Variants in ZNF365 observed in about 807,000 individuals in gnomAD.
ZNF365 encodes zinc finger protein 365.
ZNF365 carries 22 observed loss-of-function variants against 35.0 expected under a neutral mutation model. The observed-to-expected ratio is 0.63, with a 90% confidence interval of 0.45 to 0.90. The LOEUF is 0.90. Among genes scored for constraint, ZNF365 ranks in the 40% least tolerant of loss-of-function variants. The probability of loss-of-function intolerance (pLI) is 0.00; values close to 1 mark genes in which losing one functional copy is unlikely to be tolerated. For missense variants in ZNF365, 448 were observed against 500.3 expected (o/e 0.90, Z 1.00); for synonymous variants, 188 against 196.2 (o/e 0.96, Z 0.35).
At chr10:62,421,852 C>T (rs1163405104) in intron 3 of ZNF365, among the ~76,000 whole-genome samples, 1 of 152,202 alleles carries the variant, frequency 6.6e-6, no homozygotes, top group African/African-American at 2.4e-5. Flanking sequence ...CAGATTATTA[C>T]AACTATAGTT....
intron 3 of ZNF365, among the ~76,000 whole-genome samples, chr10:62,419,723 C>T (rs1054229627): frequency 6.6e-6 from 1 of 152,030 alleles, no homozygotes; most frequent in Admixed American, 6.6e-5. Context: ...TAGGGTTTTT[C>T]TTGTGTTATT....
At position 62,399,737 on chromosome 10, in the gene ZNF365, T is replaced by A. The variant is rs900470575; in HGVS notation, c.1172T>A (p.Ile391Asn). ...ELLGFGRKGNIRPKMAKKKPT... is the reference protein window; with the variant it reads ...ELLGFGRKGNNRPKMAKKKPT... The stretch of plus-strand genomic sequence containing the variant: ...CTGGGGTTTGGCCGCAAAGGCAACA[T>A]CAGGCCCAAAATGGCTAAAAAAAAG... Residue 391 changes from isoleucine (I) to asparagine (N), a missense_variant, in exon 5 of 5, where the codon ATC becomes AAC. By Grantham distance (149) the Ile-to-Asn change is moderately radical. This residue lies in a region of ZNF365 where 362 missense variants were observed against 375.7 expected (regional missense o/e 0.96). Coordinates refer to ENST00000395254, the MANE Select transcript of ZNF365 (RefSeq NM_014951.3). The A allele has an allele frequency of 6.2e-7, 1 of 1,613,964 alleles. No homozygotes were observed. Among genetic ancestry groups the A allele is most frequent in the Non-Finnish European group, 8.5e-7 (1 of 1,180,004 alleles).
In ZNF365 at chr10:62,376,284, T is replaced by G; in HGVS notation, c.91T>G (p.Cys31Gly). 2 of 1,614,062 alleles carry G rather than the reference T, an allele frequency of 1.2e-6. No homozygotes were observed. Among genetic ancestry groups the G allele is most frequent in the Non-Finnish European group, 1.7e-6 (2 of 1,180,004 alleles). The change falls in exon 2 of 5, where the codon TGT (cysteine) becomes GGT (glycine). Residue 31 changes from cysteine to glycine, a missense_variant. Cys to Gly is a radical substitution (Grantham distance 159). Transcript: ENST00000395254. ...GTGCCTGCCATTACGCTGCCCGAGG[T>G]GTGGAGACCATACCAGATTTAGAAG... ...AVCLPLRCPR[C>G]GDHTRFRSLS...
At chr10:62,408,216 T>C (rs1839933084) in intron 3 of ZNF365, among the ~76,000 whole-genome samples, 1 of 152,102 alleles carries the variant, frequency 6.6e-6, no homozygotes, top group Non-Finnish European at 1.5e-5. Flanking sequence ...CCATGAAGTC[T>C]TCTCTCTCCC....
intron 3 of ZNF365, among the ~76,000 whole-genome samples, chr10:62,427,739 AG>A (rs1381784422): frequency 6.6e-6 from 1 of 152,140 alleles, no homozygotes; most frequent in East Asian, 1.9e-4. Flanking sequence ...TAATGTCTTG[AG>A]TCTATGAAAT....
At chr10:62,387,976 G>A (rs1405730524) in intron 2 of ZNF365, among the ~76,000 whole-genome samples, 1 of 152,148 alleles carries the variant, frequency 6.6e-6, no homozygotes, top group Non-Finnish European at 1.5e-5. Context: ...CCCCCTTGCT[G>A]TACCTCAGAC....
chr10:62,471,925 G>A (rs2132491132), intron 4 of ZNF365, among the ~76,000 whole-genome samples: 1 of 152,278 alleles, frequency 6.6e-6, no homozygotes, highest in African/African-American at 2.4e-5. Context: ...CAGCCATCAG[G>A]GACTCCTTAT....
chr10:62,472,757 A>AT (rs1237665546), intron 4 of ZNF365, among the ~76,000 whole-genome samples: 2 of 152,180 alleles, frequency 1.3e-5, no homozygotes, highest in Non-Finnish European at 2.9e-5. Context: ...CCTATTTTAC[A>AT]TTTTTTGTAC....
chr10:62,457,271 C>G (rs916017363), intron 3 of ZNF365, among the ~76,000 whole-genome samples: 1 of 152,204 alleles, frequency 6.6e-6, no homozygotes, highest in African/African-American at 2.4e-5. Flanking sequence ...CGAATGGAGA[C>G]GTACTCTCCT....
At chr10:62,442,697 T>C (rs1840521400) in intron 3 of ZNF365, among the ~76,000 whole-genome samples, 1 of 152,222 alleles carries the variant, frequency 6.6e-6, no homozygotes, top group African/African-American at 2.4e-5. Context: ...ACATAGGCTA[T>C]GGTGGACTCA....
chr10:62,464,125 C>T (rs759174497), intron 4 of ZNF365, among the ~76,000 whole-genome samples: 10 of 152,166 alleles, frequency 6.6e-5, no homozygotes, highest in Non-Finnish European at 1.3e-4. Flanking sequence ...CATGTGTAAG[C>T]CTCACCTGTA....
exon 5 of ZNF365, chr10:62,479,917 T>G: frequency 6.2e-7 from 1 of 1,613,248 alleles, no homozygotes. Context: ...ATGATGTGAT[T>G]CTGGATGAGG....
chr10:62,465,528 G>GT (rs1247977366), intron 4 of ZNF365, among the ~76,000 whole-genome samples: 3 of 152,158 alleles, frequency 2.0e-5, no homozygotes, highest in Non-Finnish European at 4.4e-5. Flanking sequence ...AACTCATGGT[G>GT]TTTTTTCAGG....
intron 3 of ZNF365, among the ~76,000 whole-genome samples, chr10:62,458,354 A>T (rs1181180768): frequency 6.6e-6 from 1 of 151,998 alleles, no homozygotes; most frequent in African/African-American, 2.4e-5. Context: ...ATGTCTGCTG[A>T]TGGTTTCCTT....
At chr10:62,462,216 G>A (rs956088131) in intron 4 of ZNF365, among the ~76,000 whole-genome samples, 24 of 152,184 alleles carry the variant, frequency 1.6e-4, no homozygotes, top group African/African-American at 5.3e-4. Flanking sequence ...CACAGAGGAG[G>A]CTGACTGTGG....
At chr10:62,435,359 C>A (rs1564588455) in intron 3 of ZNF365, among the ~76,000 whole-genome samples, 1 of 152,050 alleles carries the variant, frequency 6.6e-6, no homozygotes. Context: ...AATAATACTC[C>A]CAAGAAGAAG....
rs76599925 is a variant in ZNF365 at position 62,396,151 on chromosome 10, C to A, written c.925-2589C>A. Among the ~76,000 whole-genome samples the A allele has an allele frequency of 6.9e-3, 1,055 of 152,276 alleles. 12 individuals carry two copies. The highest frequency in any genetic ancestry group is 0.024 in the African/African-American group (1,011 of 41,540). On this transcript the variant is annotated intron_variant, in intron 3 of 4. Coordinates refer to ENST00000395254, the MANE Select transcript of ZNF365 (RefSeq NM_014951.3). ...GATAAGCCCTGGCCTCCACCCCAAA[C>A]CTCATCATTTATAGGATCTTTGGAG... is the stretch of plus-strand genomic sequence containing the variant.
At chr10:62,476,674 G>A (rs898145966) in intron 4 of ZNF365, among the ~76,000 whole-genome samples, 6 of 152,238 alleles carry the variant, frequency 3.9e-5, no homozygotes, top group Non-Finnish European at 5.9e-5. Flanking sequence ...AGAGAAAAAA[G>A]TGAAATGCAT....
chr10:62,446,097 G>A (rs1840583785), intron 3 of ZNF365, among the ~76,000 whole-genome samples: 1 of 152,184 alleles, frequency 6.6e-6, no homozygotes, highest in Non-Finnish European at 1.5e-5. Context: ...CCAAGTCACT[G>A]CACTCTGGGA....
Sources: gnomAD v4.1 joint callset for allele counts (sites outside exome capture counted in the v4.1 genomes callset) on GRCh38, gnomAD v4.1.1 for gene constraint, gnomAD v4.1.1 regional missense constraint, MANE v1.5 for transcripts, NCBI Gene and HGNC (gene_info 2026-07-23, HGNC 2026-07-21) for gene names.